The following BLOC1S2 variants were observed in gnomAD, a reference collection of about 807,000 sequenced individuals.
BLOC1S2 encodes biogenesis of lysosomal organelles complex 1 subunit 2.
A neutral mutation model predicts 19.6 loss-of-function variants in BLOC1S2; 12 were observed. The observed-to-expected ratio is 0.61, with a 90% CI of 0.39 to 0.99. The LOEUF is 0.99. Ranked by LOEUF, BLOC1S2 falls within the 50% of genes least tolerant of loss-of-function variation. BLOC1S2 has a pLI of 0.00. For missense variants in BLOC1S2, 142 were observed against 171.0 expected (o/e 0.83, Z 0.95); for synonymous variants, 66 against 64.1 (o/e 1.03, Z -0.14).
At chr10:100,285,731 ATCT>A (rs1162993430) in intron 2 of BLOC1S2, among the ~76,000 whole-genome samples, 2 of 152,118 alleles carry the variant, frequency 1.3e-5, no homozygotes, top group Admixed American at 1.3e-4. Flanking sequence ...CGGTAAACAC[ATCT>A]TCTGCTTTAG....
At chr10:100,280,254 G>A in intron 3 of BLOC1S2, 26 bp from the exon 4 acceptor site, 1 of 1,556,822 alleles carries the variant, frequency 6.4e-7, no homozygotes, top group Non-Finnish European at 8.8e-7. Flanking sequence ...AAAACTTCAT[G>A]TTTATATGGC....
At chr10:100,279,456 C>G (rs899297272) in intron 4 of BLOC1S2, among the ~76,000 whole-genome samples, 2 of 152,112 alleles carry the variant, frequency 1.3e-5, no homozygotes, top group African/African-American at 4.8e-5. Context: ...GTACTTGAAC[C>G]AGATGTGGTG....
At chr10:100,276,489 C>A (rs1356114057) in intron 4 of BLOC1S2, among the ~76,000 whole-genome samples, 3 of 124,376 alleles carry the variant, frequency 2.4e-5, no homozygotes, top group East Asian at 4.6e-4. Flanking sequence ...TCCCGTCTCC[C>A]TCTCCCTCTC....
chr10:100,284,946 G>A (rs2134366472), intron 2 of BLOC1S2, among the ~76,000 whole-genome samples: 1 of 151,848 alleles, frequency 6.6e-6, no homozygotes, highest in Middle Eastern at 3.4e-3. Flanking sequence ...GATGGAAGCA[G>A]ACTAAGATGT....
intron 4 of BLOC1S2, among the ~76,000 whole-genome samples, chr10:100,276,896 G>A (rs919136794): frequency 1.3e-4 from 20 of 152,200 alleles, no homozygotes; most frequent in Non-Finnish European, 2.6e-4. Context: ...CCCAAAGTGC[G>A]GAGATTGCAG....
intron 4 of BLOC1S2, among the ~76,000 whole-genome samples, chr10:100,277,603 T>TGGG (rs1160561525): frequency 7.0e-5 from 6 of 85,736 alleles, no homozygotes; most frequent in African/African-American, 2.9e-4. Flanking sequence ...GGGAGGGAGG[T>TGGG]GGGAGGGGGT....
At chr10:100,277,672 C>G (rs1220457232) in intron 4 of BLOC1S2, among the ~76,000 whole-genome samples, 3 of 141,892 alleles carry the variant, frequency 2.1e-5, no homozygotes, top group Non-Finnish European at 3.1e-5. Flanking sequence ...CTCAGCCCCC[C>G]CGCCCGGCCA....
At chr10:100,278,708 C>G (rs1848015906) in intron 4 of BLOC1S2, among the ~76,000 whole-genome samples, 1 of 152,174 alleles carries the variant, frequency 6.6e-6, no homozygotes, top group African/African-American at 2.4e-5. Flanking sequence ...CTAGGAAAAC[C>G]AGAGACCTTT....
chr10:100,277,800 T>C (rs1383911741), intron 4 of BLOC1S2, among the ~76,000 whole-genome samples: 13 of 120,158 alleles, frequency 1.1e-4, no homozygotes, highest in Non-Finnish European at 1.4e-4. Context: ...GGAGCCCCTC[T>C]GCCCGGCCAG....
chr10:100,283,882 A>T (rs1374271166), intron 2 of BLOC1S2, among the ~76,000 whole-genome samples: 4 of 152,186 alleles, frequency 2.6e-5, no homozygotes, highest in African/African-American at 9.7e-5. Flanking sequence ...GTCTAAATAA[A>T]ATAAAATAAA....
chr10:100,276,303 CATCTCCCTCTCCCGTCTCCCTCTCT>C (rs1847846865), intron 4 of BLOC1S2, among the ~76,000 whole-genome samples: 1 of 125,332 alleles, frequency 8.0e-6, no homozygotes, highest in African/African-American at 2.7e-5. Flanking sequence ...TCTCCCTCTC[CATCTCCCTCTCCCGTCTCCCTCTCT>C]CTCTCCCGTC....
intron 4 of BLOC1S2, 24 bp from the exon 5 acceptor site, chr10:100,275,517 C>A: frequency 6.3e-7 from 1 of 1,596,824 alleles, no homozygotes; most frequent in Non-Finnish European, 8.5e-7. Context: ...GGGAGAGTTA[C>A]ATCTTTTAAA....
chr10:100,286,667 C>T lies in BLOC1S2; in HGVS notation c.-8G>A. The T allele has an allele frequency of 3.1e-6, 5 of 1,609,782 alleles. No homozygotes were observed. The highest frequency in any genetic ancestry group is 4.2e-6 in the Non-Finnish European group (5 of 1,178,004). ...CTCGGCTGCCGCCGCCATAGCGGAC[C>T]CCGCGCTGTTTCCGGGCCGGGGTGC... On this transcript the variant is annotated 5_prime_UTR_variant, in exon 1 of 5. Coordinates refer to ENST00000370372, the MANE Select transcript of BLOC1S2 (RefSeq NM_173809.5).
intron 3 of BLOC1S2, 114 bp from the exon 4 acceptor site, chr10:100,280,342 G>A: frequency 1.1e-6 from 1 of 900,398 alleles, no homozygotes; most frequent in Non-Finnish European, 1.6e-6. Context: ...AGACAGATTA[G>A]GTGGCGTGAC....
At chr10:100,280,295 G>A (rs1848071848) in intron 3 of BLOC1S2, 67 bp from the exon 4 acceptor site, 1 of 1,401,946 alleles carries the variant, frequency 7.1e-7, no homozygotes, top group Non-Finnish European at 9.9e-7. Context: ...GAAAAGAGTG[G>A]AAAAGTAATA....
At position 100,282,999 on chromosome 10, in the gene BLOC1S2, A is replaced by T. The variant is rs1262759829; in HGVS notation, c.173-1946T>A. 3 of 398,530 alleles carry T rather than the reference A, an allele frequency of 7.5e-6. No homozygotes were observed. In the East Asian group the frequency reaches 1.1e-4, roughly 14 times the overall value. The allele number at this position is 398,530 out of a possible 1,614,324, so 24.7% of individuals were successfully genotyped here. A position where few individuals can be genotyped will look rare whatever the true frequency, so the allele number is the denominator to read the frequency against. ...TCCGAAATCTGTTTCTTGTGCTCTG[A>T]TCAATCTCTGAGCTCTGGAATCCAA... On this transcript the variant is annotated intron_variant, in intron 2 of 4. Transcript: ENST00000370372.
rs33965491 is a variant in BLOC1S2, at chr10:100,286,623, T to C, written c.37A>G (p.Ser13Gly). ...AAAEGVLATR[S>G]DEPARDDAAV... ...CGGGTACCTCGGGCGGGCTCATCAC[T>C]CCGGGTCGCCAGTACGCCCTCGGCT... The change falls in exon 1 of 5, where the codon AGT becomes GGT. Residue 13 changes from serine (S) to glycine (G), a missense_variant. This residue lies in a region of BLOC1S2 where 48 missense variants were observed against 29.7 expected (regional missense o/e 1.61). Coordinates refer to ENST00000370372, the MANE Select transcript of BLOC1S2 (RefSeq NM_173809.5). 1.9e-6 allele frequency: 3 copies of C among 1,612,094 alleles called. No homozygotes were observed. Among genetic ancestry groups the C allele is most frequent in the South Asian group, 1.1e-5 (1 of 90,990 alleles).
At chr10:100,281,715 C>T (rs1246077750) in intron 2 of BLOC1S2, among the ~76,000 whole-genome samples, 5 of 142,064 alleles carry the variant, frequency 3.5e-5, no homozygotes, top group African/African-American at 5.6e-5. Flanking sequence ...TACACATACA[C>T]ACACACACAC....
At position 100,280,981 on chromosome 10, in the gene BLOC1S2, T is replaced by C. The variant is rs1848088141; in HGVS notation, c.245A>G (p.Asp82Gly). The C allele has an allele frequency of 6.2e-7, 1 of 1,613,652 alleles. No individual in the cohort carries two copies. Residue 82 changes from aspartate to glycine, a missense_variant, in exon 3 of 5, where the codon GAT becomes GGT. Physicochemically the swap from Asp to Gly is moderately conservative, Grantham distance 94. Transcript: ENST00000370372. Reference protein sequence around the residue: ...LTSLKYLEMKDIAINISRNLK... With the variant: ...LTSLKYLEMKGIAINISRNLK... ...GTTCCTACTAATGTTTATAGCAATA[T>C]CTTTCATTTCAAGATACTTCAAGCT... is the stretch of plus-strand genomic sequence containing the variant.
Sources: gnomAD v4.1 joint callset for allele counts (sites outside exome capture counted in the v4.1 genomes callset) on GRCh38, gnomAD v4.1.1 for gene constraint, gnomAD v4.1.1 regional missense constraint, MANE v1.5 for transcripts, NCBI Gene and HGNC (gene_info 2026-07-23, HGNC 2026-07-21) for gene names.